The following CCDC149 variants were observed in gnomAD, a reference collection of about 807,000 sequenced individuals.
CCDC149 encodes coiled-coil domain-containing protein 149.
CCDC149 carries 45 observed loss-of-function variants against 59.9 expected under a neutral mutation model. The ratio of observed to expected loss-of-function variants is 0.75; its 90% CI spans 0.59 to 0.96. CCDC149 has a LOEUF of 0.96. Ranked by LOEUF, CCDC149 falls within the 40% of genes least tolerant of loss-of-function variation. CCDC149 has a pLI of 0.00. For synonymous variants in CCDC149, 245 were observed against 260.6 expected (o/e 0.94, Z 0.58); for missense variants, 584 against 664.7 (o/e 0.88, Z 1.33).
chr4:24,805,816 GGT>G (rs1714124960), downstream of CCDC149, among the ~76,000 whole-genome samples: 1 of 152,210 alleles, frequency 6.6e-6, no homozygotes, highest in South Asian at 2.1e-4. Context: ...CCTTTGAACA[GGT>G]GTTATCTGGA....
chr4:24,922,875 T>C (rs7680589), intron 1 of CCDC149, among the ~76,000 whole-genome samples: 27,080 of 152,112 alleles, frequency 0.18, 2,677 homozygotes, highest in African/African-American at 0.26. Flanking sequence ...TGGAAAATCA[T>C]TGGACCAAAA....
chr4:24,970,454 T>C (rs1200706409), intron 1 of CCDC149, among the ~76,000 whole-genome samples: 1 of 152,172 alleles, frequency 6.6e-6, no homozygotes, highest in African/African-American at 2.4e-5. Context: ...GTAGCATTTA[T>C]GATGGGTGGG....
intron 1 of CCDC149, among the ~76,000 whole-genome samples, chr4:24,963,578 T>C (rs1459461703): frequency 6.6e-6 from 1 of 152,156 alleles, no homozygotes; most frequent in African/African-American, 2.4e-5. Context: ...CCAATGGGGA[T>C]CTGAGTTTAT....
At chr4:24,939,903 C>T (rs1221185264) in intron 1 of CCDC149, among the ~76,000 whole-genome samples, 1 of 152,132 alleles carries the variant, frequency 6.6e-6, no homozygotes, top group Non-Finnish European at 1.5e-5. Context: ...TGTGAAAAGA[C>T]CAAATCTACG....
chr4:24,857,595 A>G (rs966967251), intron 3 of CCDC149, among the ~76,000 whole-genome samples: 2 of 152,186 alleles, frequency 1.3e-5, no homozygotes, highest in African/African-American at 4.8e-5. Context: ...ATCAGTCAAT[A>G]ATTCCAGTGA....
At chr4:24,904,214 A>G (rs946499300) in intron 1 of CCDC149, among the ~76,000 whole-genome samples, 1 of 152,256 alleles carries the variant, frequency 6.6e-6, no homozygotes, top group African/African-American at 2.4e-5. Flanking sequence ...GCACATTTTA[A>G]TATATTAATT....
At chr4:24,887,845 A>T (rs894733986) in intron 1 of CCDC149, among the ~76,000 whole-genome samples, 4 of 151,982 alleles carry the variant, frequency 2.6e-5, no homozygotes, top group African/African-American at 9.7e-5. Context: ...GAGATTTGCA[A>T]ACAGGAGCCT....
At chr4:24,922,087 G>T (rs1229015467) in intron 1 of CCDC149, among the ~76,000 whole-genome samples, 1 of 152,104 alleles carries the variant, frequency 6.6e-6, no homozygotes, top group Non-Finnish European at 1.5e-5. Context: ...ATCTGTCTCT[G>T]TGTCTAAATT....
chr4:24,858,865 C>T (rs1718195996), intron 3 of CCDC149, among the ~76,000 whole-genome samples: 2 of 152,190 alleles, frequency 1.3e-5, no homozygotes, highest in Admixed American at 1.3e-4. Context: ...GGAATCCTCA[C>T]CGAGGTAGGT....
At chr4:24,948,958 C>T (rs182207884) in intron 1 of CCDC149, among the ~76,000 whole-genome samples, 45 of 152,306 alleles carry the variant, frequency 3.0e-4, no homozygotes, top group African/African-American at 1.1e-3. Context: ...CGTTCATCTT[C>T]CGCCATGATT....
At chr4:24,903,713 C>T (rs1390860283) in intron 1 of CCDC149, among the ~76,000 whole-genome samples, 5 of 152,034 alleles carry the variant, frequency 3.3e-5, no homozygotes, top group Non-Finnish European at 7.4e-5. Context: ...CCAAAAGATT[C>T]CCTCATGTTT....
intron 10 of CCDC149, among the ~76,000 whole-genome samples, chr4:24,821,976 G>T (rs2109108795): frequency 6.6e-6 from 1 of 152,298 alleles, no homozygotes; most frequent in Middle Eastern, 3.4e-3. Flanking sequence ...TTTTGGGTTA[G>T]AACAATTGTT....
At chr4:24,913,307 C>G (rs1192404187), upstream of CCDC149, among the ~76,000 whole-genome samples, 2 of 152,148 alleles carry the variant, frequency 1.3e-5, no homozygotes, top group African/African-American at 4.8e-5. Flanking sequence ...AGTCCTTCTC[C>G]GACCACCATC....
At chr4:24,899,023 A>G (rs1389377781) in intron 1 of CCDC149, among the ~76,000 whole-genome samples, 1 of 152,204 alleles carries the variant, frequency 6.6e-6, no homozygotes, top group Non-Finnish European at 1.5e-5. Flanking sequence ...TGCAGTCCCT[A>G]GAAAGCCATC....
At chr4:24,831,733 AATG>A in intron 8 of CCDC149, 83 bp from the exon 9 acceptor site, 3 of 1,263,828 alleles carry the variant, frequency 2.4e-6, no homozygotes, top group Non-Finnish European at 3.3e-6. Flanking sequence ...CTTCTTGGAT[AATG>A]ATATGTCCCC....
chr4:24,979,840 C>A (rs990571648), intron 1 of CCDC149, among the ~76,000 whole-genome samples: 7 of 152,172 alleles, frequency 4.6e-5, no homozygotes, highest in African/African-American at 1.2e-4. Flanking sequence ...ATGTTCCCAA[C>A]TGAATGTCAC....
At chr4:24,931,831 A>ATATATATATATATG (rs1553862499) in intron 1 of CCDC149, among the ~76,000 whole-genome samples, 4 of 100,402 alleles carry the variant, frequency 4.0e-5, no homozygotes, top group African/African-American at 1.5e-4. Context: ...GAGAGTATGT[A>ATATATATATATATG]TATATATATA....
chr4:24,929,821 A>G (rs1722533906), intron 1 of CCDC149, among the ~76,000 whole-genome samples: 2 of 151,924 alleles, frequency 1.3e-5, no homozygotes, highest in Admixed American at 1.3e-4. Context: ...TTTATATTTT[A>G]TTGCTTATAT....
intron 1 of CCDC149, among the ~76,000 whole-genome samples, chr4:24,903,606 T>G (rs890200691): frequency 2.6e-5 from 4 of 152,152 alleles, no homozygotes; most frequent in Non-Finnish European, 5.9e-5. Flanking sequence ...TGGAGAAAAT[T>G]TCATCCCTTT....
Sources: allele counts gnomAD v4.1 joint callset (sites outside exome capture counted in the v4.1 genomes callset), GRCh38; gene constraint gnomAD v4.1.1; transcripts MANE v1.5; gene names NCBI Gene and HGNC (gene_info 2026-07-23, HGNC 2026-07-21).